TNIK: variants seen among roughly 807,000 people sequenced by gnomAD.
TNIK encodes TRAF2 and NCK-interacting protein kinase.
TNIK carries 49 observed loss-of-function variants against 191.3 expected under a neutral mutation model. The observed-to-expected ratio is 0.26, with a 90% CI of 0.20 to 0.32. TNIK has a LOEUF of 0.32. Ranked by LOEUF, TNIK falls within the 10% of genes least tolerant of loss-of-function variation. TNIK has a pLI of 1.00. For missense variants in TNIK, 1,155 were observed against 1,702.3 expected, an observed-to-expected ratio of 0.68 and a Z score of 5.66; for synonymous variants, 594 against 600.9, an observed-to-expected ratio of 0.99 and a Z score of 0.17.
At chr3:171,114,931 AAAAT>A (rs199536544) in intron 18 of TNIK, among the ~76,000 whole-genome samples, 2 of 148,580 alleles carry the variant, frequency 1.3e-5, no homozygotes, top group Non-Finnish European at 1.5e-5. Flanking sequence ...TTCATTTTTT[AAAAT>A]AAATAATCTC....
At chr3:171,249,175 C>A (rs1453236009) in intron 2 of TNIK, among the ~76,000 whole-genome samples, 1 of 152,176 alleles carries the variant, frequency 6.6e-6, no homozygotes, top group Non-Finnish European at 1.5e-5. Context: ...TAGTTAAGAA[C>A]CACTTTATCT....
In TNIK at chr3:171,061,572, T is replaced by C. The variant is rs2108288568; in HGVS notation, c.*2309A>G. On this transcript the variant is annotated 3_prime_UTR_variant, in exon 33 of 33. Transcript: ENST00000436636. ...CCACAATAAAAAAATCATTTAAAGC[T>C]GTGTGTTTCAAACTTATCACTTAGA... is the stretch of plus-strand genomic sequence containing the variant. The C allele has an allele frequency of 6.6e-6, 1 of 152,334 alleles. No individual in the cohort carries two copies. Among genetic ancestry groups the C allele is most frequent in the South Asian group, 2.1e-4 (1 of 4,834 alleles). The allele number at this position is 152,334 out of a possible 1,614,324, so 9.4% of individuals were successfully genotyped here. A position where few individuals can be genotyped will look rare whatever the true frequency, so the allele number is the denominator to read the frequency against.
chr3:171,104,063 C>G (rs78463834), intron 21 of TNIK, among the ~76,000 whole-genome samples: 3 of 598 alleles, frequency 5.0e-3, no homozygotes, highest in Non-Finnish European at 7.8e-3. Context: ...TTAGAAATAA[C>G]AATTAAACTT....
chr3:171,168,567 A>G (rs1047743345), intron 9 of TNIK, among the ~76,000 whole-genome samples: 3 of 152,212 alleles, frequency 2.0e-5, no homozygotes, highest in African/African-American at 7.2e-5. Context: ...TTTTTAAAGT[A>G]CTGAATCACT....
At chr3:171,069,500 G>C (rs1718911099) in intron 29 of TNIK, among the ~76,000 whole-genome samples, 1 of 152,174 alleles carries the variant, frequency 6.6e-6, no homozygotes, top group South Asian at 2.1e-4. Flanking sequence ...CAGTGAATGA[G>C]TAGGCATAAG....
intron 1 of TNIK, among the ~76,000 whole-genome samples, chr3:171,442,779 AG>A (rs892129953): frequency 6.6e-6 from 1 of 152,186 alleles, no homozygotes; most frequent in Non-Finnish European, 1.5e-5. Context: ...AAGAAAACAA[AG>A]GAAAAACTAA....
chr3:171,131,498 A>G (rs1042121279), intron 15 of TNIK, among the ~76,000 whole-genome samples: 3 of 152,148 alleles, frequency 2.0e-5, no homozygotes, highest in African/African-American at 4.8e-5. Flanking sequence ...AACAGTTTAC[A>G]TATTAAATTC....
chr3:171,256,021 T>C (rs1746816961), intron 2 of TNIK, among the ~76,000 whole-genome samples: 1 of 151,930 alleles, frequency 6.6e-6, no homozygotes. Context: ...TAGAATAAAG[T>C]ATTCTGAGCA....
intron 2 of TNIK, among the ~76,000 whole-genome samples, chr3:171,358,698 G>A (rs1377738029): frequency 6.6e-6 from 1 of 152,166 alleles, no homozygotes; most frequent in Non-Finnish European, 1.5e-5. Flanking sequence ...GGCTTCAGCT[G>A]GTTTCAGCTT....
chr3:171,264,069 C>CACAG (rs1553873905), intron 2 of TNIK, among the ~76,000 whole-genome samples: 2 of 49,178 alleles, frequency 4.1e-5, no homozygotes, highest in Non-Finnish European at 8.3e-5. Flanking sequence ...TATATACATA[C>CACAG]ACACACACAC....
At chr3:171,380,509 C>A (rs1029872401) in intron 1 of TNIK, among the ~76,000 whole-genome samples, 5 of 152,338 alleles carry the variant, frequency 3.3e-5, no homozygotes, top group South Asian at 4.1e-4. Flanking sequence ...ACCAATGACA[C>A]GTTATTTGCT....
At chr3:171,209,546 ATC>A (rs779343020) in intron 4 of TNIK, among the ~76,000 whole-genome samples, 1 of 152,136 alleles carries the variant, frequency 6.6e-6, no homozygotes, top group Non-Finnish European at 1.5e-5. Context: ...GTTGTCATAT[ATC>A]TCTCTTTAGG....
At chr3:171,323,768 G>T (rs1755438703) in intron 2 of TNIK, among the ~76,000 whole-genome samples, 1 of 152,120 alleles carries the variant, frequency 6.6e-6, no homozygotes, top group African/African-American at 2.4e-5. Context: ...GACAGAAACT[G>T]ACACCACCTG....
At chr3:171,351,735 C>G (rs1162912423) in intron 2 of TNIK, among the ~76,000 whole-genome samples, 2 of 152,144 alleles carry the variant, frequency 1.3e-5, no homozygotes, top group Non-Finnish European at 2.9e-5. Flanking sequence ...AACCTGGTTA[C>G]TGCCAGAATT....
chr3:171,377,288 G>A (rs1717394153), intron 1 of TNIK, among the ~76,000 whole-genome samples: 2 of 152,200 alleles, frequency 1.3e-5, no homozygotes, highest in Non-Finnish European at 2.9e-5. Context: ...CAGGGAGACT[G>A]GAGCCTCCTC....
chr3:171,101,550 G>A lies in TNIK; in HGVS notation c.2490C>T (p.Ser830=). The A allele has an allele frequency of 1.2e-6, 2 of 1,613,466 alleles. No individual in the cohort carries two copies. The highest frequency in any genetic ancestry group is 3.3e-4 in the Middle Eastern group (2 of 6,056). ...NRPMKKVTDY[S]SSSEESESSE... ...TACTTTCTGACTCCTCACTGGAGGA[G>A]GAGTAATCAGTCACCTTCTTCATTG... Residue 830 remains serine, a synonymous_variant, in exon 22 of 33, where the codon TCC becomes TCT. Coordinates refer to ENST00000436636, the MANE Select transcript of TNIK (RefSeq NM_015028.4).
At position 171,062,527 on chromosome 3, in the gene TNIK, G is replaced by A. The variant is rs967486748; in HGVS notation, c.*1354C>T. 4.6e-5 allele frequency: 7 copies of A among 152,138 alleles called. No individual in the cohort carries two copies. Among genetic ancestry groups the A allele is most frequent in the Admixed American group, 2.0e-4 (3 of 15,270 alleles). 9.4% of individuals were successfully genotyped at this position (152,138 alleles called of 1,614,324 possible). A position where few individuals can be genotyped will look rare whatever the true frequency, so the allele number is the denominator to read the frequency against. The stretch of plus-strand genomic sequence containing the variant: ...AAAAGTTCAAATCATTTGAGTAAGA[G>A]TTTATAAGGACACAAGTCAACCTGA... On this transcript the variant is annotated 3_prime_UTR_variant, in exon 33 of 33. Transcript: ENST00000436636.
At chr3:171,197,838 T>C (rs1347820748) in intron 4 of TNIK, among the ~76,000 whole-genome samples, 1 of 152,232 alleles carries the variant, frequency 6.6e-6, no homozygotes, top group Non-Finnish European at 1.5e-5. Context: ...GTATAGTTAC[T>C]GCGGTGAACA....
At chr3:171,378,092 A>G (rs770933387) in intron 1 of TNIK, among the ~76,000 whole-genome samples, 2 of 152,210 alleles carry the variant, frequency 1.3e-5, no homozygotes, top group Admixed American at 6.5e-5. Flanking sequence ...TTTCTATACC[A>G]TGGTTGCTTG....
Sources: allele counts gnomAD v4.1 joint callset (sites outside exome capture counted in the v4.1 genomes callset), GRCh38; gene constraint gnomAD v4.1.1; transcripts MANE v1.5; gene names NCBI Gene and HGNC (gene_info 2026-07-23, HGNC 2026-07-21).